Variants in RNASE10 observed in about 807,000 individuals in gnomAD.
RNASE10 encodes inactive ribonuclease-like protein 10.
Under a neutral mutation model 1.1 loss-of-function variants are expected in RNASE10, and 2 were observed. That is an observed-to-expected ratio of 1.82 (90% CI 0.74 to 5.73). The LOEUF is 5.73. Ranked by LOEUF, RNASE10 falls within the 30% of genes most tolerant of loss-of-function variation. The pLI is 0.05. For synonymous variants in RNASE10, 97 were observed against 96.2 expected, an observed-to-expected ratio of 1.01 and a Z score of -0.05; for missense variants, 276 against 263.4, an observed-to-expected ratio of 1.05 and a Z score of -0.33.
At chr14:20,508,096 A>G (rs1460406394) in intron 1 of RNASE10, among the ~76,000 whole-genome samples, 1 of 152,072 alleles carries the variant, frequency 6.6e-6, no homozygotes, top group Non-Finnish European at 1.5e-5. Flanking sequence ...GTAAACACAC[A>G]CATGTATACA....
At chr14:20,510,212 A>G (rs191329813) in intron 1 of RNASE10, among the ~76,000 whole-genome samples, 1 of 152,206 alleles carries the variant, frequency 6.6e-6, no homozygotes, top group Admixed American at 6.5e-5. Context: ...TCCCTTGGTC[A>G]TCTCCCTACT....
Position 20,509,209 on chromosome 14 carries a change from C to T in RNASE10, c.80-1258C>T, listed in dbSNP as rs542515264. The stretch of plus-strand genomic sequence containing the variant: ...GGACTACTGGTGCGTGGCACCATGC[C>T]GGCTAATTTTTGTATTTTTAGTAGA... On this transcript the variant is annotated intron_variant, in intron 1 of 1. Transcript: ENST00000430083. Among the ~76,000 whole-genome samples, 8 of 152,298 alleles carry T rather than the reference C, an allele frequency of 5.3e-5. No homozygotes were observed. In the South Asian group the frequency reaches 1.5e-3, roughly 28 times the overall value.
chr14:20,510,879 CCAGT>C lies in RNASE10; in HGVS notation c.493_496del (p.Gln165MetfsTer8). On this transcript the variant is annotated frameshift_variant, in exon 2 of 2. Coordinates refer to ENST00000430083, the Ensembl canonical transcript of RNASE10. LOFTEE classifies it low-confidence loss of function (END_TRUNC). ...AGGAGCCCAGTCAGAGTTGCATAGC[CCAGT>C]ATGCATTCATCCATGAGGATCTAAA... 6.2e-7 allele frequency: 1 copy of C among 1,614,012 alleles called. No homozygotes were observed. The highest frequency in any genetic ancestry group is 8.5e-7 in the Non-Finnish European group (1 of 1,179,972).
upstream of RNASE10, among the ~76,000 whole-genome samples, chr14:20,504,835 C>T (rs1164184728): frequency 6.6e-6 from 1 of 151,742 alleles, no homozygotes; most frequent in Non-Finnish European, 1.5e-5. Context: ...GACAAGGGAG[C>T]ACTCACCAGC....
At chr14:20,506,189 G>GA in intron 1 of RNASE10, among the ~76,000 whole-genome samples, 170 bp downstream of exon 1, 2 of 140,704 alleles carry the variant, frequency 1.4e-5, no homozygotes, top group African/African-American at 2.6e-5. Context: ...AGGTGGGGGG[G>GA]GGTCAGCCCC....
At chr14:20,513,296 G>A (rs200282382), downstream of RNASE10, among the ~76,000 whole-genome samples, 2 of 152,070 alleles carry the variant, frequency 1.3e-5, no homozygotes, top group Admixed American at 6.5e-5. Flanking sequence ...CTCCACAGGC[G>A]CCTAGTGGCT....
upstream of RNASE10, among the ~76,000 whole-genome samples, chr14:20,505,291 TCTCCCTCTCCCTCTC>T (rs1882668332): frequency 2.5e-5 from 1 of 40,024 alleles, no homozygotes; most frequent in Non-Finnish European, 5.1e-5. Context: ...TCCCTCTCCC[TCTCCCTCTCCCTCTC>T]CCTCTCCCTC....
chr14:20,513,698 G>C (rs1307902005), downstream of RNASE10, among the ~76,000 whole-genome samples: 1 of 152,116 alleles, frequency 6.6e-6, no homozygotes, highest in Admixed American at 6.5e-5. Flanking sequence ...TTATGAGTAG[G>C]TCCTTCTAAG....
intron 1 of RNASE10, among the ~76,000 whole-genome samples, chr14:20,507,247 CTT>C (rs1426573378): frequency 1.4e-5 from 2 of 140,768 alleles, no homozygotes; most frequent in South Asian, 2.4e-4. Flanking sequence ...ACATGGGAGA[CTT>C]TTCATTTTGT....
chr14:20,506,338 A>C (rs372888181), intron 1 of RNASE10, among the ~76,000 whole-genome samples: 1 of 92,972 alleles, frequency 1.1e-5, no homozygotes, highest in South Asian at 4.2e-4. Context: ...CCGCCCGGCC[A>C]GCCGCCCAGT....
Position 20,510,753 on chromosome 14 carries a change from C to A in RNASE10, c.366C>A (p.Asn122Lys), listed in dbSNP as rs752134265. The A allele has an allele frequency of 6.2e-7, 1 of 1,614,200 alleles. No homozygotes were observed. Among genetic ancestry groups the A allele is most frequent in the East Asian group, 2.2e-5 (1 of 44,890 alleles). ...TCGGTGAAGATGAGGTTGGGGGTAA[C>A]AAGATGCTCAGAGCCTCAGCTCTCT... The change falls in exon 2 of 2, where the codon AAC becomes AAA. Residue 122 changes from asparagine to lysine, a missense_variant. Physicochemically the swap from Asn to Lys is moderately conservative, Grantham distance 94. Coordinates refer to ENST00000430083, the Ensembl canonical transcript of RNASE10.
At chr14:20,513,394 A>G (rs2840281), downstream of RNASE10, among the ~76,000 whole-genome samples, 7,537 of 151,972 alleles carry the variant, frequency 0.05, 616 homozygotes, top group African/African-American at 0.17. Flanking sequence ...AAATTAACTC[A>G]CTGTAGCTCA....
rs1882873501 is a variant in RNASE10 at position 20,510,623 on chromosome 14, AC to A, written c.237del (p.Asp79GlufsTer72). 1 of 1,614,094 alleles carries A rather than the reference AC, an allele frequency of 6.2e-7. No individual in the cohort carries two copies. The highest frequency in any genetic ancestry group is 1.1e-5 in the South Asian group (1 of 91,092). On this transcript the variant is annotated frameshift_variant, in exon 2 of 2. Transcript: ENST00000430083. LOFTEE classifies it low-confidence loss of function (END_TRUNC). ...GAATTTTGGTCCAGTGACTCACAGG[AC>A]AAAGCTGAGGCCACTGAGGAGGGAG...
chr14:20,506,998 C>A (rs1594440060), intron 1 of RNASE10, among the ~76,000 whole-genome samples: 1 of 149,302 alleles, frequency 6.7e-6, no homozygotes, highest in African/African-American at 2.5e-5. Context: ...TGGTGGGGGT[C>A]AGCCCCCCGC....
chr14:20,511,545 C>T (rs142051008), downstream of RNASE10, among the ~76,000 whole-genome samples: 318 of 152,278 alleles, frequency 2.1e-3, 5 homozygotes, highest in African/African-American at 7.1e-3. Flanking sequence ...CTGCACTTCT[C>T]TATTGCGGAT....
At chr14:20,509,392 G>A (rs747337426) in intron 1 of RNASE10, among the ~76,000 whole-genome samples, 3 of 152,200 alleles carry the variant, frequency 2.0e-5, no homozygotes, top group Non-Finnish European at 4.4e-5. Context: ...CAGGTCAATT[G>A]TTTGATTTTC....
downstream of RNASE10, chr14:20,511,217 T>G (rs568198130): frequency 3.8e-6 from 4 of 1,040,538 alleles, no homozygotes; most frequent in East Asian, 1.1e-4. Flanking sequence ...TTAGGTATCA[T>G]GCAGATGGAA....
intron 1 of RNASE10, among the ~76,000 whole-genome samples, chr14:20,506,304 A>T (rs2139364727): frequency 1.2e-5 from 1 of 84,298 alleles, no homozygotes; most frequent in Admixed American, 1.1e-4. Context: ...CCCGTCCGGG[A>T]GGGAGGTGGG....
upstream of RNASE10, among the ~76,000 whole-genome samples, chr14:20,505,197 G>C (rs1566535739): frequency 6.8e-6 from 1 of 146,054 alleles, no homozygotes; most frequent in Admixed American, 7.2e-5. Flanking sequence ...CCATGAAACA[G>C]TGTCTGTGTT....
Sources: gnomAD v4.1 joint callset for allele counts (sites outside exome capture counted in the v4.1 genomes callset) on GRCh38, gnomAD v4.1.1 for gene constraint, MANE v1.5 for transcripts, NCBI Gene and HGNC (gene_info 2026-07-23, HGNC 2026-07-21) for gene names.